The following OAT variants were observed in gnomAD, a reference collection of about 807,000 sequenced individuals.
OAT encodes the protein ornithine aminotransferase, mitochondrial.
Under a neutral mutation model 48.4 loss-of-function variants are expected in OAT, and 35 were observed. That is an observed-to-expected ratio of 0.72 (90% CI 0.55 to 0.96). The LOEUF (loss-of-function observed/expected upper bound fraction) is 0.96. OAT is among the 40% of genes least tolerant of loss of function. The pLI is 0.00. For missense variants in OAT, 438 were observed against 537.9 expected, an observed-to-expected ratio of 0.81 and a Z score of 1.84; for synonymous variants, 182 against 198.4, an observed-to-expected ratio of 0.92 and a Z score of 0.70.
chr10:124,409,227 C>T (rs1951684952), intron 2 of OAT, among the ~76,000 whole-genome samples: 1 of 152,118 alleles, frequency 6.6e-6, no homozygotes, highest in Non-Finnish European at 1.5e-5. Flanking sequence ...TGGAGTAAAA[C>T]CTTTACCTAA....
chr10:124,412,259 T>G, intron 1 of OAT, 59 bp from the exon 2 acceptor site: 7 of 1,364,024 alleles, frequency 5.1e-6, no homozygotes, highest in Non-Finnish European at 7.2e-6. Context: ...GCCTATAATC[T>G]CAGCACTTTG....
intron 9 of OAT, among the ~76,000 whole-genome samples, 184 bp downstream of exon 9, chr10:124,400,656 G>A (rs1165774553): frequency 2.0e-5 from 3 of 152,126 alleles, no homozygotes; most frequent in Admixed American, 6.5e-5. Context: ...AGGAGGCTGA[G>A]GCAGAGAATT....
At chr10:124,404,834 A>C (rs1363865747) in intron 5 of OAT, among the ~76,000 whole-genome samples, 1 of 152,092 alleles carries the variant, frequency 6.6e-6, no homozygotes, top group Non-Finnish European at 1.5e-5. Context: ...ACTTGAGGTC[A>C]AGTGTTCGAG....
chr10:124,409,663 T>A (rs1326008165), intron 2 of OAT, among the ~76,000 whole-genome samples: 1 of 151,792 alleles, frequency 6.6e-6, no homozygotes, highest in Non-Finnish European at 1.5e-5. Flanking sequence ...GGAAAAAAAA[T>A]ATTTGTAAAT....
intron 4 of OAT, among the ~76,000 whole-genome samples, chr10:124,408,056 T>A (rs189386384): frequency 1.1e-3 from 174 of 151,990 alleles, no homozygotes; most frequent in Non-Finnish European, 2.1e-3. Context: ...ACTGGATAAC[T>A]GCTATGAAAA....
chr10:124,408,093 A>G (rs992166431), intron 4 of OAT, among the ~76,000 whole-genome samples: 1 of 152,100 alleles, frequency 6.6e-6, no homozygotes, highest in African/African-American at 2.4e-5. Flanking sequence ...TGAGAGGAAT[A>G]TGGAGTTCAG....
rs1951780373 is a variant in OAT, at chr10:124,412,253, A to G, written c.-29-53T>C. On this transcript the variant is annotated intron_variant, in intron 1 of 9. Transcript: ENST00000368845. ...GAGTGAGAATCCTTGGCTTATGCCT[A>G]TAATCTCAGCACTTTGGGAGGCTGA... The G allele has an allele frequency of 1.2e-5, 17 of 1,385,802 alleles. No homozygotes were observed. In the South Asian group the frequency reaches 1.9e-4, roughly 15 times the overall value. 85.8% of individuals were successfully genotyped at this position (1,385,802 alleles called of 1,614,324 possible). A position where few individuals can be genotyped will look rare whatever the true frequency, so the allele number is the denominator to read the frequency against.
At chr10:124,402,859 T>C in intron 7 of OAT, 68 bp downstream of exon 7, 2 of 1,580,712 alleles carry the variant, frequency 1.3e-6, no homozygotes, top group East Asian at 4.5e-5. Flanking sequence ...AATCAGTTGA[T>C]GTATAAATAC....
At position 124,400,997 on chromosome 10, in the gene OAT, A is replaced by G. The variant is rs758009943; in HGVS notation, c.1015-13T>C. The G allele has an allele frequency of 6.3e-7, 1 of 1,598,346 alleles. No homozygotes were observed. Among genetic ancestry groups the G allele is most frequent in the South Asian group, 1.1e-5 (1 of 90,236 alleles). On this transcript the variant is annotated splice_polypyrimidine_tract_variant and intron_variant, in intron 8 of 9. Coordinates refer to ENST00000368845, the MANE Select transcript of OAT (RefSeq NM_000274.4). ...CTTCTTCTAAAACCTACGTTTAAAG[A>G]AAAATTATACAAATATTAAGACTGT...
rs1951458291 is a variant in OAT, at chr10:124,403,031, G to A, written c.796C>T (p.Gln266Ter). The A allele has an allele frequency of 1.9e-6, 3 of 1,613,902 alleles. No homozygotes were observed. Among genetic ancestry groups the A allele is most frequent in the Non-Finnish European group, 2.5e-6 (3 of 1,180,018 alleles). Residue 266 changes from glutamine (Q) to a stop codon, truncating the protein, a stop_gained, in exon 7 of 10, where the codon CAG becomes TAG. Transcript: ENST00000368845. LOFTEE classifies it high-confidence loss of function. ...CTACCAGTTCTGGCCAATCCTGTCTGTATTTCATCAGCAATAAAGAGAACC... is the reference window on the plus strand; with the variant it reads ...CTACCAGTTCTGGCCAATCCTGTCTATATTTCATCAGCAATAAAGAGAACC... Reference protein sequence around the residue: ...HQVLFIADEIQTGLARTGRWL... With the variant: ...HQVLFIADEI
chr10:124,406,573 T>C (rs1951583691), intron 4 of OAT, among the ~76,000 whole-genome samples: 1 of 151,826 alleles, frequency 6.6e-6, no homozygotes, highest in Admixed American at 6.6e-5. Context: ...CCCAGCACTT[T>C]GGGAGGCCGA....
At position 124,408,347 on chromosome 10, in the gene OAT, T is replaced by A. The variant is rs368464143; in HGVS notation, c.520+195A>T. ...TATATATATATATATATATATATTT[T>A]TTTTTTTTTTTTTTAAATAGAGACA... On this transcript the variant is annotated intron_variant, in intron 4 of 9. Transcript: ENST00000368845. 0.021 allele frequency among the ~76,000 whole-genome samples: 1,681 copies of A among 80,264 alleles called. 7 individuals carry two copies. Among genetic ancestry groups the A allele is most frequent in the Non-Finnish European group, 0.029 (1,265 of 43,658 alleles). The allele number at this position is 80,264 out of a possible 152,430, so 52.7% of individuals were successfully genotyped here. A position where few individuals can be genotyped will look rare whatever the true frequency, so the allele number is the denominator to read the frequency against.
intron 4 of OAT, chr10:124,407,386 C>T: frequency 1.0e-6 from 1 of 984,856 alleles, no homozygotes; most frequent in Non-Finnish European, 1.2e-6. Context: ...TCTTTGCACC[C>T]TTTGCTATTA....
In OAT at chr10:124,405,460, G is replaced by A. The variant is rs2134465205; in HGVS notation, c.624C>T (p.Pro208=). ...GPFMPGFDII[P]YNDLPALERA... The stretch of plus-strand genomic sequence containing the variant: ...CCTCCAGTGCGGGCAGATCATTATA[G>A]GGAATGATGTCGAATCCCGGCATAA... Residue 208 remains proline (P), a synonymous_variant, in exon 5 of 10, where the codon CCC becomes CCT. Transcript: ENST00000368845. 1 of 1,613,958 alleles carries A rather than the reference G, an allele frequency of 6.2e-7. No homozygotes were observed. Among genetic ancestry groups the A allele is most frequent in the Non-Finnish European group, 8.5e-7 (1 of 1,179,832 alleles).
intron 6 of OAT, 64 bp downstream of exon 6, chr10:124,403,734 T>C: frequency 1.2e-6 from 2 of 1,608,056 alleles, no homozygotes; most frequent in East Asian, 2.2e-5. Flanking sequence ...GAGGAGCCCA[T>C]TCAGCCTCAT....
chr10:124,397,671 T>C lies in OAT; in HGVS notation c.*271A>G. 1 of 425,128 alleles carries C rather than the reference T, an allele frequency of 2.4e-6. No homozygotes were observed. Among genetic ancestry groups the C allele is most frequent in the Non-Finnish European group, 4.3e-6 (1 of 231,304 alleles). 26.3% of individuals were successfully genotyped at this position (425,128 alleles called of 1,614,324 possible). On this transcript the variant is annotated 3_prime_UTR_variant, in exon 10 of 10. Transcript: ENST00000368845. ...AAGGACTTGATTTAGAGGCTGTCTG[T>C]ATATAGATGCATTTCACCTTAGGAA...
chr10:124,416,507 T>C (rs1564743712), intron 1 of OAT, among the ~76,000 whole-genome samples: 1 of 152,204 alleles, frequency 6.6e-6, no homozygotes. Context: ...ATCATGCATC[T>C]ACCTGACGCC....
At chr10:124,408,318 T>TGC (rs1951647914) in intron 4 of OAT, among the ~76,000 whole-genome samples, 1 of 65,032 alleles carries the variant, frequency 1.5e-5, no homozygotes, top group South Asian at 6.7e-4. Flanking sequence ...TGTGTGTGTG[T>TGC]ATATATATAT....
chr10:124,399,394 G>A (rs1442419550), intron 9 of OAT, among the ~76,000 whole-genome samples: 1 of 136,640 alleles, frequency 7.3e-6, no homozygotes, highest in African/African-American at 2.7e-5. Context: ...CGCCCAGGCT[G>A]GAGTGCAGCG....
Sources: allele counts gnomAD v4.1 joint callset (sites outside exome capture counted in the v4.1 genomes callset), GRCh38; gene constraint gnomAD v4.1.1; transcripts MANE v1.5; gene names NCBI Gene and HGNC (gene_info 2026-07-23, HGNC 2026-07-21).